SH3GLB2: variants seen among roughly 807,000 people sequenced by gnomAD.
The protein encoded by SH3GLB2 is endophilin-B2.
In SH3GLB2, 24 loss-of-function variants were observed where a neutral mutation model predicts 48.0. The ratio of observed to expected loss-of-function variants is 0.50; its 90% CI spans 0.36 to 0.70. The LOEUF (loss-of-function observed/expected upper bound fraction) is 0.70, where lower values mean the gene tolerates loss of function less well. SH3GLB2 is among the 30% of genes least tolerant of loss of function. The probability of loss-of-function intolerance (pLI) is 0.00; values close to 1 mark genes in which losing one functional copy is unlikely to be tolerated. For missense variants in SH3GLB2, 425 were observed against 516.0 expected, an observed-to-expected ratio of 0.82 and a Z score of 1.71; for synonymous variants, 227 against 207.6, an observed-to-expected ratio of 1.09 and a Z score of -0.80.
rs917088015 is a variant in SH3GLB2, at chr9:129,023,676, C to T, written c.64-1253G>A. Among the ~76,000 whole-genome samples the T allele has an allele frequency of 2.0e-5, 3 of 151,794 alleles. No individual in the cohort carries two copies. In the East Asian group the frequency reaches 5.8e-4, roughly 29 times the overall value. ...CCCTGGCTGCAGTTGGCTCCAGCTG[C>T]GGTGGGGGGTGGCGGGCTGGGCGGC... On this transcript the variant is annotated intron_variant, in intron 1 of 10. Coordinates refer to ENST00000372564, the MANE Select transcript of SH3GLB2 (RefSeq NM_020145.4).
chr9:129,013,755 G>C (rs1843258330), intron 5 of SH3GLB2: 1 of 236,144 alleles, frequency 4.2e-6, no homozygotes, highest in Non-Finnish European at 8.7e-6. Flanking sequence ...TTTAGGCCTG[G>C]CAGCCCTGAG....
intron 3 of SH3GLB2, among the ~76,000 whole-genome samples, chr9:129,016,342 TAAAAAAAA>T (rs57505648): frequency 2.9e-5 from 1 of 34,074 alleles, no homozygotes; most frequent in African/African-American, 1.1e-4. Flanking sequence ...AGACTGTCTT[TAAAAAAAA>T]AAAAAAAAAA....
intron 1 of SH3GLB2, 148 bp from the exon 2 acceptor site, chr9:129,022,571 G>C (rs1843878948): frequency 3.1e-6 from 2 of 650,542 alleles, no homozygotes; most frequent in Non-Finnish European, 5.2e-6. Flanking sequence ...GTGTGATACT[G>C]TGTGACCTGG....
intron 2 of SH3GLB2, among the ~76,000 whole-genome samples, chr9:129,021,814 C>T (rs1202615731): frequency 6.6e-6 from 1 of 151,982 alleles, no homozygotes; most frequent in Non-Finnish European, 1.5e-5. Flanking sequence ...CAAAAATTAG[C>T]TGGGCGTGGT....
intron 3 of SH3GLB2, among the ~76,000 whole-genome samples, chr9:129,017,095 G>A (rs1843476320): frequency 6.6e-6 from 1 of 151,578 alleles, no homozygotes. Context: ...CTATAGGCGC[G>A]CACCAGCATG....
chr9:129,014,319 G>T lies in SH3GLB2; in HGVS notation c.561+92C>A. On this transcript the variant is annotated intron_variant, in intron 5 of 10. Coordinates refer to ENST00000372564, the MANE Select transcript of SH3GLB2 (RefSeq NM_020145.4). The surrounding 1 kb of genome is among the most constrained non-coding windows in gnomAD (Gnocchi z 4.1). ...CTCCAGCCAGGGAGAGGGGAGAGAG[G>T]TCATGCCAAATACCAGGTCCCTTCA... 8.4e-7 allele frequency: 1 copy of T among 1,190,668 alleles called. No individual in the cohort carries two copies. Among genetic ancestry groups the T allele is most frequent in the Non-Finnish European group, 1.2e-6 (1 of 834,756 alleles). 73.8% of individuals were successfully genotyped at this position (1,190,668 alleles called of 1,614,324 possible).
chr9:129,015,267 CGGGA>C (rs1271248618), intron 3 of SH3GLB2, among the ~76,000 whole-genome samples: 2 of 152,210 alleles, frequency 1.3e-5, no homozygotes, highest in South Asian at 2.1e-4. Context: ...GAGGCCGAGA[CGGGA>C]GGATCACTTG....
At position 129,012,124 on chromosome 9, in the gene SH3GLB2, G is replaced by GT; in HGVS notation, c.624+111dup. 4.8e-6 allele frequency: 3 copies of GT among 622,076 alleles called. No individual in the cohort carries two copies. In the Admixed American group the frequency reaches 1.3e-4, roughly 27 times the overall value. The allele number at this position is 622,076 out of a possible 1,614,324, so 38.5% of individuals were successfully genotyped here. ...TCAGGACTGACCTGATCACATGGCA[G>GT]TGCCCCCGCCTTACCCAAGCTGGCT... On this transcript the variant is annotated intron_variant, in intron 6 of 10. Coordinates refer to ENST00000372564, the MANE Select transcript of SH3GLB2 (RefSeq NM_020145.4).
Position 129,009,203 on chromosome 9 carries a change from TC to T in SH3GLB2, c.982del (p.Glu328LysfsTer116). On this transcript the variant is annotated frameshift_variant, in exon 10 of 11. Transcript: ENST00000372564. LOFTEE classifies it high-confidence loss of function. ...APPGEASLCL[E>X]EVAPPASGTR... Reference sequence around the variant, plus strand: ...CCCACTGGCAGGGGGGGCCACCTCTTCCAGGCAGAGCGAGGCCTCCCCCGGA... The same window carrying T: ...CCCACTGGCAGGGGGGGCCACCTCTTCAGGCAGAGCGAGGCCTCCCCCGGA... The T allele has an allele frequency of 6.2e-7, 1 of 1,610,260 alleles. No homozygotes were observed. Among genetic ancestry groups the T allele is most frequent in the South Asian group, 1.1e-5 (1 of 90,604 alleles).
chr9:129,022,511 C>A, intron 1 of SH3GLB2, 88 bp from the exon 2 acceptor site: 1 of 1,266,172 alleles, frequency 7.9e-7, no homozygotes. Flanking sequence ...ACTGCCCCTC[C>A]CCACCAGCAG....
chr9:129,023,005 T>C (rs969345517), intron 1 of SH3GLB2, among the ~76,000 whole-genome samples: 3 of 152,084 alleles, frequency 2.0e-5, no homozygotes, highest in Non-Finnish European at 4.4e-5. Flanking sequence ...TGAGCATTGG[T>C]TTCCTGAGCT....
intron 1 of SH3GLB2, among the ~76,000 whole-genome samples, chr9:129,027,210 G>A (rs545096734): frequency 6.6e-6 from 1 of 152,298 alleles, no homozygotes; most frequent in South Asian, 2.1e-4. Context: ...ATGCTGCACA[G>A]GTGCAATATT....
In SH3GLB2 at chr9:129,023,149, T is replaced by C. The variant is rs572844762; in HGVS notation, c.64-726A>G. ...GGCACCGGTGCTATGAGCTGATGGG[T>C]GCAGAGACGTCTGGGAAGGAAGGGG... On this transcript the variant is annotated intron_variant, in intron 1 of 10. Coordinates refer to ENST00000372564, the MANE Select transcript of SH3GLB2 (RefSeq NM_020145.4). Among the ~76,000 whole-genome samples, 9 of 152,076 alleles carry C rather than the reference T, an allele frequency of 5.9e-5. 1 individual carries two copies. In the East Asian group the frequency reaches 1.6e-3, roughly 26 times the overall value.
intron 1 of SH3GLB2, among the ~76,000 whole-genome samples, chr9:129,023,995 G>C (rs1309693383): frequency 6.6e-6 from 1 of 152,192 alleles, no homozygotes; most frequent in African/African-American, 2.4e-5. Context: ...GCTCGAAGAG[G>C]CAAAGTCTCC....
intron 1 of SH3GLB2, 148 bp from the exon 2 acceptor site, chr9:129,022,571 G>A: frequency 1.5e-6 from 1 of 650,542 alleles, no homozygotes; most frequent in East Asian, 2.8e-5. Flanking sequence ...GTGTGATACT[G>A]TGTGACCTGG....
At position 129,010,798 on chromosome 9, in the gene SH3GLB2, CCTGCCCCT is replaced by C. The variant is rs1487556885; in HGVS notation, c.625-113_625-106del. 4 of 1,404,104 alleles carry C rather than the reference CCTGCCCCT, an allele frequency of 2.8e-6. No individual in the cohort carries two copies. The Admixed American group carries it at 5.9e-5, about 21-fold the overall frequency. The allele number at this position is 1,404,104 out of a possible 1,614,324, so 87.0% of individuals were successfully genotyped here. A position where few individuals can be genotyped will look rare whatever the true frequency, so the allele number is the denominator to read the frequency against. On this transcript the variant is annotated intron_variant, in intron 6 of 10. Coordinates refer to ENST00000372564, the MANE Select transcript of SH3GLB2 (RefSeq NM_020145.4). ...AGCTCCCAGACTCAACTTCTGCCCC[CCTGCCCCT>C]CTGCCCCCCCTCCCAAACAGGAGCT...
intron 2 of SH3GLB2, among the ~76,000 whole-genome samples, chr9:129,021,742 T>A (rs1374610831): frequency 6.6e-6 from 1 of 151,792 alleles, no homozygotes; most frequent in Non-Finnish European, 1.5e-5. Context: ...GTGGATCATT[T>A]GAGGTCAGGA....
chr9:129,013,542 A>G, intron 5 of SH3GLB2: 1 of 176,850 alleles, frequency 5.7e-6, no homozygotes, highest in Non-Finnish European at 1.2e-5. Flanking sequence ...TAGACCCCAC[A>G]CACTTGAGTG....
Position 129,008,717 on chromosome 9 carries a change from C to T in SH3GLB2, c.1155G>A (p.Lys385=), listed in dbSNP as rs141499759. 1.5e-5 allele frequency: 25 copies of T among 1,614,058 alleles called. No individual in the cohort carries two copies. The highest frequency in any genetic ancestry group is 1.9e-5 in the Non-Finnish European group (23 of 1,180,016). ...GCAGTTCCAAGTAGGTGACAGGGAC[C>T]TTGCCCTTCTTGTTGCCTCTCTCGC... ...LIGERGNKKG[K]VPVTYLELLS Residue 385 remains lysine (K), a synonymous_variant, in exon 11 of 11, where the codon AAG becomes AAA. Transcript: ENST00000372564.
Sources: gnomAD v4.1 joint callset for allele counts (sites outside exome capture counted in the v4.1 genomes callset) on GRCh38, gnomAD v4.1.1 for gene constraint, Gnocchi (gnomAD v3.1) non-coding constraint, MANE v1.5 for transcripts, NCBI Gene and HGNC (gene_info 2026-07-23, HGNC 2026-07-21) for gene names.